DNAAF1: variants seen among roughly 807,000 people sequenced by gnomAD.
DNAAF1 encodes dynein axonemal assembly factor 1, also known as dynein assembly factor 1, axonemal.
A neutral mutation model predicts 71.1 loss-of-function variants in DNAAF1; 65 were observed. The observed-to-expected ratio is 0.91, with a 90% CI of 0.75 to 1.12. The LOEUF is 1.12. Ranked by LOEUF, DNAAF1 falls within the 50% of genes most tolerant of loss-of-function variation. DNAAF1 has a pLI of 0.00. For missense variants in DNAAF1, 1,178 were observed against 899.8 expected, an observed-to-expected ratio of 1.31 and a Z score of -3.96; for synonymous variants, 414 against 354.6, an observed-to-expected ratio of 1.17 and a Z score of -1.88.
In DNAAF1 at chr16:84,165,787, T is replaced by C; in HGVS notation, c.868T>C (p.Cys290Arg). Residue 290 changes from cysteine to arginine, a missense_variant, in exon 7 of 12, where the codon TGT becomes CGT. Cys to Arg is a radical substitution (Grantham distance 180). Transcript: ENST00000378553. The stretch of plus-strand genomic sequence containing the variant: ...GTTTCTTTGTTTTTTAAACAGAGCT[T>C]GTGCGGAGGCCTGGGCTAGGGGAGG... ...DRPVFPKDRA[C>R]AEAWARGGYA... 2 of 1,613,640 alleles carry C rather than the reference T, an allele frequency of 1.2e-6. No individual in the cohort carries two copies. The highest frequency in any genetic ancestry group is 1.7e-6 in the Non-Finnish European group (2 of 1,179,894).
At chr16:84,168,504 C>T (rs2151260392) in intron 7 of DNAAF1, among the ~76,000 whole-genome samples, 1 of 152,230 alleles carries the variant, frequency 6.6e-6, no homozygotes, top group Non-Finnish European at 1.5e-5. Context: ...TCTCGAACTC[C>T]TGGCCTCAAG....
intron 9 of DNAAF1, 104 bp from the exon 10 acceptor site, chr16:84,174,565 G>A: frequency 6.2e-7 from 1 of 1,603,698 alleles, no homozygotes; most frequent in Non-Finnish European, 8.5e-7. Flanking sequence ...TTGAGTAACT[G>A]TAACTAAGGC....
At chr16:84,157,276 A>G (rs2087483054) in intron 5 of DNAAF1, among the ~76,000 whole-genome samples, 1 of 152,012 alleles carries the variant, frequency 6.6e-6, no homozygotes, top group African/African-American at 2.4e-5. Flanking sequence ...TAATCCCAGC[A>G]CTTTGGGAGG....
chr16:84,158,893 G>C (rs752530853), intron 5 of DNAAF1: 1 of 307,412 alleles, frequency 3.3e-6, no homozygotes, highest in Non-Finnish European at 4.7e-6. Flanking sequence ...ATGACGCCCA[G>C]CTAATTTTTG....
rs192432193 is a variant in DNAAF1, at chr16:84,174,650, G to A, written c.1645-19G>A. On this transcript the variant is annotated intron_variant, in intron 9 of 11. Transcript: ENST00000378553. ...TGCGTGTACCTCCCTGGTGATGTGC[G>A]GCTCACTTGCTCTTTCAGGACCTAC... The A allele has an allele frequency of 2.5e-4, 404 of 1,614,038 alleles. 2 individuals are homozygous for A. The highest frequency in any genetic ancestry group is 1.3e-3 in the Middle Eastern group (8 of 6,062).
chr16:84,159,393 G>C (rs555287259), intron 5 of DNAAF1, among the ~76,000 whole-genome samples: 3 of 152,296 alleles, frequency 2.0e-5, no homozygotes, highest in Middle Eastern at 3.4e-3. Flanking sequence ...CTCAGAAAAA[G>C]CCTCAGGAAA....
At chr16:84,173,608 T>G (rs2088496403) in intron 9 of DNAAF1, 1 of 849,100 alleles carries the variant, frequency 1.2e-6, no homozygotes, top group Non-Finnish European at 1.4e-6. Context: ...CCAAGGTGGG[T>G]GGATCACATG....
chr16:84,177,830 A>C lies in DNAAF1; in HGVS notation c.2167A>C (p.Lys723Gln). 1 of 1,613,724 alleles carries C rather than the reference A, an allele frequency of 6.2e-7. No homozygotes were observed. Among genetic ancestry groups the C allele is most frequent in the East Asian group, 2.2e-5 (1 of 44,880 alleles). ...TWDLTAFPAP[K>Q]AS is the part of the protein sequence containing the mutation. ...GGACCTCACTGCATTCCCAGCACCG[A>C]AAGCATCATAGTTTTCCCCAGTTAT... The change falls in exon 12 of 12, where the codon AAA (lysine) becomes CAA (glutamine). Residue 723 changes from lysine to glutamine, a missense_variant. Transcript: ENST00000378553.
chr16:84,175,523 T>G, intron 10 of DNAAF1: 1 of 255,638 alleles, frequency 3.9e-6, no homozygotes, highest in Non-Finnish European at 7.7e-6. Flanking sequence ...GCATCAGCCA[T>G]CATCTCTGAG....
chr16:84,152,130 C>G (rs1270610362), intron 3 of DNAAF1, among the ~76,000 whole-genome samples: 1 of 152,154 alleles, frequency 6.6e-6, no homozygotes, highest in Non-Finnish European at 1.5e-5. Context: ...CAGTTAGGAT[C>G]TTAGGGAGAC....
chr16:84,147,924 T>C (rs1172187359), intron 1 of DNAAF1, among the ~76,000 whole-genome samples: 4 of 151,962 alleles, frequency 2.6e-5, no homozygotes, highest in Non-Finnish European at 5.9e-5. Context: ...AAAAATTAGC[T>C]AGGCATGGTG....
In DNAAF1 at chr16:84,159,759, A is replaced by T. The variant is rs749418230; in HGVS notation, c.826A>T (p.Thr276Ser). The T allele has an allele frequency of 3.1e-6, 5 of 1,613,914 alleles. No homozygotes were observed. Among genetic ancestry groups the T allele is most frequent in the Non-Finnish European group, 3.4e-6 (4 of 1,179,948 alleles). ...RTVTVRLKHLTYLDDRPVFPK... is the reference protein window; with the variant it reads ...RTVTVRLKHLSYLDDRPVFPK... ...AGTCACTGTACGACTAAAGCACTTA[A>T]CATACCTGGATGATAGACCAGTGTT... Residue 276 changes from threonine to serine, a missense_variant, in exon 6 of 12, where the codon ACA (threonine) becomes TCA (serine). Physicochemically the swap from Thr to Ser is moderately conservative, Grantham distance 58. Coordinates refer to ENST00000378553, the MANE Select transcript of DNAAF1 (RefSeq NM_178452.6).
rs1233603821 is a variant in DNAAF1 at position 84,165,848 on chromosome 16, AGAGCAGG to A, written c.934_940del (p.Arg312GlyfsTer13). On this transcript the variant is annotated frameshift_variant, in exon 7 of 12. Transcript: ENST00000378553. LOFTEE classifies it high-confidence loss of function. ...GAAAAGGAGGAGAGACAGCAGTGGG[AGAGCAGG>A]GAGCGGAAGAAGATCACAGACAGCA... is the stretch of plus-strand genomic sequence containing the variant. 1 of 1,613,556 alleles carries A rather than the reference AGAGCAGG, an allele frequency of 6.2e-7. No homozygotes were observed. Among genetic ancestry groups the A allele is most frequent in the Admixed American group, 1.7e-5 (1 of 59,890 alleles).
At chr16:84,160,787 T>C (rs2087667054) in intron 6 of DNAAF1, among the ~76,000 whole-genome samples, 1 of 149,948 alleles carries the variant, frequency 6.7e-6, no homozygotes, top group Non-Finnish European at 1.5e-5. Context: ...ACACAAAAAT[T>C]AGCCGGGCGT....
chr16:84,154,500 A>T, intron 3 of DNAAF1, 77 bp from the exon 4 acceptor site: 1 of 1,265,258 alleles, frequency 7.9e-7, no homozygotes, highest in Non-Finnish European at 1.1e-6. Flanking sequence ...TCCTAATAGT[A>T]GGCAAAAACA....
intron 1 of DNAAF1, among the ~76,000 whole-genome samples, chr16:84,147,760 CA>C (rs888467474): frequency 1.5e-4 from 22 of 149,558 alleles, no homozygotes; most frequent in Middle Eastern, 3.5e-3. Flanking sequence ...AAGCCCCCCC[CA>C]AAAAAAAAAT....
At chr16:84,166,586 T>G (rs1384009974) in intron 7 of DNAAF1, among the ~76,000 whole-genome samples, 2 of 152,038 alleles carry the variant, frequency 1.3e-5, no homozygotes, top group Admixed American at 1.3e-4. Context: ...TTGCCCACGC[T>G]GGTCTCAAAC....
In DNAAF1 at chr16:84,150,323, G is replaced by C. The variant is rs755549512; in HGVS notation, c.333G>C (p.Thr111=). The change falls in exon 3 of 12, where the codon ACG becomes ACC. Residue 111 remains threonine, a synonymous_variant. Transcript: ENST00000378553. ...ATATTACCCCAGCATTGAATGATACGCTGTATTTACACTTTAAAGGTAAGG... is the reference window on the plus strand; with the variant it reads ...ATATTACCCCAGCATTGAATGATACCCTGTATTTACACTTTAAAGGTAAGG... ...KLYITPALND[T]LYLHFKGFDR... is the part of the protein sequence containing the mutation. 6.2e-7 allele frequency: 1 copy of C among 1,612,940 alleles called. No homozygotes were observed.
In DNAAF1 at chr16:84,148,596, C is replaced by CTCTCTCTTTTTTTTTTTTTTTTTT; in HGVS notation, c.125-410_125-409insCTCTCTTTTTTTTTTTTTTTTTTT. 4.6e-4 allele frequency among the ~76,000 whole-genome samples: 20 copies of CTCTCTCTTTTTTTTTTTTTTTTTT among 43,568 alleles called. 1 individual carries two copies. The highest frequency in any genetic ancestry group is 7.4e-4 in the African/African-American group (8 of 10,852). The allele number at this position is 43,568 out of a possible 152,430, so 28.6% of individuals were successfully genotyped here. ...AAAGATTACTGTTCTCTCTCTCTCT[C>CTCTCTCTTTTTTTTTTTTTTTTTT]TTTTTTTTTTTTTTTTTTGGTGAGA... On this transcript the variant is annotated intron_variant, in intron 1 of 11. Transcript: ENST00000378553.
Sources: gnomAD v4.1 joint callset for allele counts (sites outside exome capture counted in the v4.1 genomes callset) on GRCh38, gnomAD v4.1.1 for gene constraint, MANE v1.5 for transcripts, NCBI Gene and HGNC (gene_info 2026-07-23, HGNC 2026-07-21) for gene names.